The following RASGRF1 variants were observed in gnomAD, a reference collection of about 807,000 sequenced individuals.
RASGRF1 encodes the protein ras-specific guanine nucleotide-releasing factor 1.
A neutral mutation model predicts 138.7 loss-of-function variants in RASGRF1; 40 were observed. The observed-to-expected ratio is 0.29, with a 90% CI of 0.22 to 0.38. The LOEUF is 0.38. Ranked by LOEUF, RASGRF1 falls within the 10% of genes least tolerant of loss-of-function variation. The probability of loss-of-function intolerance (pLI) is 1.00; values close to 1 mark genes in which losing one functional copy is unlikely to be tolerated. For synonymous variants in RASGRF1, 614 were observed against 663.2 expected (o/e 0.93, Z 1.14); for missense variants, 1,108 against 1,650.4 (o/e 0.67, Z 5.69).
In RASGRF1 at chr15:78,980,681, TATCA is replaced by T; in HGVS notation, c.3429_3432del (p.Asp1144SerfsTer19). On this transcript the variant is annotated frameshift_variant, in exon 24 of 27. Transcript: ENST00000558480. LOFTEE classifies it high-confidence loss of function. The stretch of plus-strand genomic sequence containing the variant: ...TCAGATGACACAAGCTTTTGGAGCT[TATCA>T]ATCAAAGCTTTAGTCTAGAAGGAAG... 1 of 1,604,408 alleles carries T rather than the reference TATCA, an allele frequency of 6.2e-7. No homozygotes were observed. The highest frequency in any genetic ancestry group is 8.5e-7 in the Non-Finnish European group (1 of 1,171,978).
rs2056185777 is a variant in RASGRF1 at position 78,987,561 on chromosome 15, T to C, written c.3217-2357A>G. Among the ~76,000 whole-genome samples the C allele has an allele frequency of 2.0e-5, 3 of 152,078 alleles. No individual in the cohort carries two copies. The South Asian group carries it at 6.2e-4, about 32-fold the overall frequency. ...AAATACAAAAATTACCTGGGTGCAGTGGCATGCACCTGTAATCCCAGCTAC... is the reference window on the plus strand; with the variant it reads ...AAATACAAAAATTACCTGGGTGCAGCGGCATGCACCTGTAATCCCAGCTAC... On this transcript the variant is annotated intron_variant, in intron 22 of 26. Coordinates refer to ENST00000558480, the MANE Select transcript of RASGRF1 (RefSeq NM_001145648.3).
chr15:79,008,628 C>T (rs541842474), intron 13 of RASGRF1, among the ~76,000 whole-genome samples: 12 of 152,246 alleles, frequency 7.9e-5, no homozygotes, highest in South Asian at 2.1e-4. Flanking sequence ...AATGGCAGAT[C>T]GGACACTCAG....
intron 26 of RASGRF1, among the ~76,000 whole-genome samples, chr15:78,963,833 G>A (rs1360511665): frequency 6.6e-6 from 1 of 152,192 alleles, no homozygotes; most frequent in Non-Finnish European, 1.5e-5. Flanking sequence ...CCTACACCCA[G>A]TGATAAAGAC....
chr15:78,971,309 C>A (rs1040553075), intron 26 of RASGRF1, among the ~76,000 whole-genome samples: 2 of 152,144 alleles, frequency 1.3e-5, no homozygotes, highest in Admixed American at 6.5e-5. Context: ...GATTTCTCTG[C>A]AGCTGTAAGA....
At chr15:79,030,961 C>T (rs1023869400) in intron 8 of RASGRF1, among the ~76,000 whole-genome samples, 7 of 152,214 alleles carry the variant, frequency 4.6e-5, no homozygotes, top group Admixed American at 3.9e-4. Context: ...ATTGGACAAG[C>T]CATGTGCTTA....
chr15:79,021,018 G>A (rs1796372339), intron 10 of RASGRF1, among the ~76,000 whole-genome samples: 1 of 152,164 alleles, frequency 6.6e-6, no homozygotes, highest in Non-Finnish European at 1.5e-5. Flanking sequence ...CTATGAATGA[G>A]GAACTGAGGC....
rs913997432 is a variant in RASGRF1 at position 79,073,874 on chromosome 15, C to A, written c.277-9348G>T. Among the ~76,000 whole-genome samples the A allele has an allele frequency of 6.6e-6, 1 of 152,236 alleles. No individual in the cohort carries two copies. The highest frequency in any genetic ancestry group is 1.5e-5 in the Non-Finnish European group (1 of 68,042). The stretch of plus-strand genomic sequence containing the variant: ...GTAAGTTCTTGGGCTCCACCCCAGA[C>A]CTCTGTTTTGAAACAAGCCCCCCAG... On this transcript the variant is annotated intron_variant, in intron 1 of 26. Transcript: ENST00000558480. This position sits in a 1 kb window ranked among gnomAD's most constrained non-coding sequence, Gnocchi z 4.2.
intron 1 of RASGRF1, among the ~76,000 whole-genome samples, chr15:79,074,204 C>G (rs1305294067): frequency 6.6e-6 from 1 of 152,230 alleles, no homozygotes; most frequent in Non-Finnish European, 1.5e-5. Context: ...AGGGGTATGG[C>G]TGGAATTTAT....
Position 79,020,231 on chromosome 15 carries a change from G to A in RASGRF1, c.1543-127C>T, listed in dbSNP as rs910456321. On this transcript the variant is annotated intron_variant, in intron 10 of 26. Transcript: ENST00000558480. ...CATGTATACACACAGATGTATGGATGGATATATTATATGCCAAGTGGGTAT... is the reference window on the plus strand; with the variant it reads ...CATGTATACACACAGATGTATGGATAGATATATTATATGCCAAGTGGGTAT... 6.0e-6 allele frequency: 5 copies of A among 829,374 alleles called. No homozygotes were observed. The Admixed American group carries it at 1.2e-4, about 19-fold the overall frequency. The allele number at this position is 829,374 out of a possible 1,614,324, so 51.4% of individuals were successfully genotyped here.
intron 13 of RASGRF1, among the ~76,000 whole-genome samples, chr15:79,014,930 A>G (rs1189820027): frequency 7.1e-6 from 1 of 140,404 alleles, no homozygotes; most frequent in South Asian, 2.2e-4. Context: ...AAAACAAAAA[A>G]CAAAAAACAA....
intron 1 of RASGRF1, among the ~76,000 whole-genome samples, chr15:79,085,168 C>T (rs974218274): frequency 2.6e-5 from 4 of 152,100 alleles, no homozygotes; most frequent in Non-Finnish European, 4.4e-5. Flanking sequence ...TGTAAATGCA[C>T]GTGATGACAG....
In RASGRF1 at chr15:79,001,723, A is replaced by G. The variant is rs757734824; in HGVS notation, c.2514T>C (p.Thr838=). The change falls in exon 16 of 27, where the codon ACT becomes ACC. Residue 838 remains threonine, a synonymous_variant. Coordinates refer to ENST00000558480, the MANE Select transcript of RASGRF1 (RefSeq NM_001145648.3). ...TTGGAGATTTAGTTGGTGATGTTTC[A>G]GTATCACCATCATCACTCTGGTTTT... ...IDQNQSDDGD[T]ETSPTKSPTT... The G allele has an allele frequency of 6.2e-7, 1 of 1,610,494 alleles. No homozygotes were observed. Among genetic ancestry groups the G allele is most frequent in the Non-Finnish European group, 8.5e-7 (1 of 1,176,786 alleles).
At chr15:79,069,673 T>C (rs2057728643) in intron 1 of RASGRF1, among the ~76,000 whole-genome samples, 1 of 152,166 alleles carries the variant, frequency 6.6e-6, no homozygotes, top group Non-Finnish European at 1.5e-5. Flanking sequence ...CTATAAATGC[T>C]GGTGTTTCTT....
intron 3 of RASGRF1, among the ~76,000 whole-genome samples, chr15:79,052,238 C>T (rs1406155652): frequency 6.6e-6 from 1 of 152,194 alleles, no homozygotes; most frequent in Non-Finnish European, 1.5e-5. Context: ...CCTGCTCCAC[C>T]CTACTCCCCT....
chr15:79,046,813 G>A lies in RASGRF1; in HGVS notation c.811C>T (p.Arg271Trp). Reference protein sequence around the residue: ...ILVNNFLRPLRMAASSKKPPI... With the variant: ...ILVNNFLRPLWMAASSKKPPI... Reference sequence around the variant, plus strand: ...GGCTTCTTGGAGCTGGCGGCCATCCGCAGCGGGCGCAGGAAATTGTTGACA... The same window carrying A: ...GGCTTCTTGGAGCTGGCGGCCATCCACAGCGGGCGCAGGAAATTGTTGACA... Residue 271 changes from arginine to tryptophan, a missense_variant, in exon 5 of 27, where the codon CGG (arginine) becomes TGG (tryptophan). Around this residue, in one of 3 missense-constraint regions of RASGRF1, gnomAD observed 169 missense variants for 344.2 expected, o/e 0.49. Coordinates refer to ENST00000558480, the MANE Select transcript of RASGRF1 (RefSeq NM_001145648.3). This position sits in a 1 kb window ranked among gnomAD's most constrained non-coding sequence, Gnocchi z 5.3. 1.9e-6 allele frequency: 3 copies of A among 1,614,236 alleles called. No individual in the cohort carries two copies. Among genetic ancestry groups the A allele is most frequent in the Non-Finnish European group, 1.7e-6 (2 of 1,180,048 alleles).
chr15:79,090,538 TCTC>T lies in RASGRF1; in HGVS notation c.-43_-41del. The T allele has an allele frequency of 6.3e-7, 1 of 1,593,432 alleles. No homozygotes were observed. The highest frequency in any genetic ancestry group is 1.3e-5 in the African/African-American group (1 of 74,742). On this transcript the variant is annotated 5_prime_UTR_variant, in exon 1 of 27. Transcript: ENST00000558480. ...AGCGAGACCCCACGCGCTTACATCTTCTCCGCGCAGCAGCCCCCCGTCCGTGCG... is the reference window on the plus strand; with the variant it reads ...AGCGAGACCCCACGCGCTTACATCTTCGCGCAGCAGCCCCCCGTCCGTGCG...
At position 78,975,515 on chromosome 15, in the gene RASGRF1, CTTTTTT is replaced by C. The variant is rs55747212; in HGVS notation, c.3495-2101_3495-2096del. ...GTCTTCATTTCCTTCCTTTCTTTTT[CTTTTTT>C]TTTTTTTTGAGGCAGGGTCTCACTC... On this transcript the variant is annotated intron_variant, in intron 24 of 26. Transcript: ENST00000558480. Among the ~76,000 whole-genome samples the C allele has an allele frequency of 3.1e-4, 43 of 140,490 alleles. No homozygotes were observed. The South Asian group carries it at 9.6e-3, about 31-fold the overall frequency. 92.2% of individuals were successfully genotyped at this position (140,490 alleles called of 152,430 possible). A position where few individuals can be genotyped will look rare whatever the true frequency, so the allele number is the denominator to read the frequency against.
At chr15:79,051,957 C>T (rs1210279341) in intron 3 of RASGRF1, among the ~76,000 whole-genome samples, 1 of 152,216 alleles carries the variant, frequency 6.6e-6, no homozygotes, top group East Asian at 1.9e-4. Flanking sequence ...TTCCCTGACA[C>T]TGGCAGGTGC....
At chr15:78,976,586 C>A (rs1229836666) in intron 24 of RASGRF1, among the ~76,000 whole-genome samples, 5 of 106,274 alleles carry the variant, frequency 4.7e-5, no homozygotes, top group African/African-American at 1.9e-4. Context: ...ACACACACAC[C>A]CATCCGAAAT....
Sources: gnomAD v4.1 joint callset for allele counts (sites outside exome capture counted in the v4.1 genomes callset) on GRCh38, gnomAD v4.1.1 for gene constraint, gnomAD v4.1.1 regional missense constraint, Gnocchi (gnomAD v3.1) non-coding constraint, MANE v1.5 for transcripts, NCBI Gene and HGNC (gene_info 2026-07-23, HGNC 2026-07-21) for gene names.